Variants in MDFIC observed in about 807,000 individuals in gnomAD.
MDFIC encodes myoD family inhibitor domain-containing protein.
Under a neutral mutation model 23.2 loss-of-function variants are expected in MDFIC, and 17 were observed. That is an observed-to-expected ratio of 0.73 (90% confidence interval 0.50 to 1.10). The LOEUF (loss-of-function observed/expected upper bound fraction) is 1.10, where lower values mean the gene tolerates loss of function less well. MDFIC is among the 50% of genes least tolerant of loss of function. The pLI, the probability that MDFIC is intolerant of heterozygous loss-of-function variation, is 0.00. For missense variants in MDFIC, 356 were observed against 316.6 expected, an observed-to-expected ratio of 1.12 and a Z score of -0.95; for synonymous variants, 120 against 115.2, an observed-to-expected ratio of 1.04 and a Z score of -0.27.
At chr7:114,955,448 C>T (rs1441511006) in intron 3 of MDFIC, among the ~76,000 whole-genome samples, 1 of 152,132 alleles carries the variant, frequency 6.6e-6, no homozygotes, top group Non-Finnish European at 1.5e-5. Context: ...GAGTGTTTAA[C>T]TGTATCTCTC....
chr7:115,014,378 T>G, intron 4 of MDFIC: 1 of 1,286,894 alleles, frequency 7.8e-7, no homozygotes, highest in Non-Finnish European at 1.0e-6. Context: ...TTATATGGCA[T>G]TCTATAGAGA....
chr7:114,957,746 G>A (rs1264057220), intron 3 of MDFIC, among the ~76,000 whole-genome samples: 1 of 152,076 alleles, frequency 6.6e-6, no homozygotes, highest in Non-Finnish European at 1.5e-5. Flanking sequence ...GATTTATTAG[G>A]GGCAGCTTTA....
intron 2 of MDFIC, among the ~76,000 whole-genome samples, chr7:114,931,004 G>C (rs944146126): frequency 1.3e-5 from 2 of 152,146 alleles, no homozygotes; most frequent in Non-Finnish European, 2.9e-5. Context: ...CTTAATCAGT[G>C]CTATGTATAT....
At chr7:114,936,561 A>G (rs1792428090) in intron 2 of MDFIC, among the ~76,000 whole-genome samples, 1 of 152,212 alleles carries the variant, frequency 6.6e-6, no homozygotes, top group Admixed American at 6.5e-5. Context: ...TATGTTTAAA[A>G]AAAAAAGAAT....
At chr7:114,984,053 A>C (rs1793466016) in intron 4 of MDFIC, among the ~76,000 whole-genome samples, 1 of 152,140 alleles carries the variant, frequency 6.6e-6, no homozygotes, top group African/African-American at 2.4e-5. Context: ...AAACTCAGAC[A>C]TTCTGGTTCC....
chr7:114,985,724 C>A (rs1217367775), intron 4 of MDFIC, among the ~76,000 whole-genome samples: 1 of 151,680 alleles, frequency 6.6e-6, no homozygotes, highest in African/African-American at 2.4e-5. Context: ...CAGAGAACTA[C>A]AAACAGTTTG....
At chr7:114,924,843 A>C (rs1461583792) in intron 2 of MDFIC, among the ~76,000 whole-genome samples, 1 of 152,184 alleles carries the variant, frequency 6.6e-6, no homozygotes, top group Non-Finnish European at 1.5e-5. Flanking sequence ...AAAGAAAGAA[A>C]TTCTTGGAGC....
intron 4 of MDFIC, among the ~76,000 whole-genome samples, chr7:114,995,042 C>G (rs577105424): frequency 6.6e-6 from 1 of 152,074 alleles, no homozygotes; most frequent in Non-Finnish European, 1.5e-5. Context: ...AGACTTTGTT[C>G]GTTTCTTTTA....
intron 3 of MDFIC, among the ~76,000 whole-genome samples, chr7:114,964,913 G>C (rs987028563): frequency 6.6e-6 from 1 of 152,200 alleles, no homozygotes; most frequent in Non-Finnish European, 1.5e-5. Flanking sequence ...AGCACTGTAT[G>C]TATGTGGGCT....
intron 4 of MDFIC, among the ~76,000 whole-genome samples, chr7:114,998,540 C>G (rs1012956023): frequency 2.0e-5 from 3 of 152,062 alleles, no homozygotes. Context: ...TTTTGGAAAT[C>G]TAGAGAATGG....
intron 4 of MDFIC, among the ~76,000 whole-genome samples, chr7:114,992,865 A>C (rs150213073): frequency 6.6e-6 from 1 of 152,156 alleles, no homozygotes; most frequent in East Asian, 1.9e-4. Flanking sequence ...TGGCCTCATA[A>C]AATGAGTTAG....
intron 2 of MDFIC, among the ~76,000 whole-genome samples, chr7:114,926,916 C>T (rs1049207182): frequency 6.6e-6 from 1 of 152,116 alleles, no homozygotes; most frequent in Admixed American, 6.5e-5. Context: ...CAAAATGTGT[C>T]ATCTTTGAAC....
At position 115,016,024 on chromosome 7, in the gene MDFIC, A is replaced by T; in HGVS notation, c.*89A>T. On this transcript the variant is annotated 3_prime_UTR_variant, in exon 5 of 5. Coordinates refer to ENST00000393486, the MANE Select transcript of MDFIC (RefSeq NM_001166345.3). ...AAAGCACATTGTAAGATTCTCATGAAACAACATGGAATTTGCACTGTTAAC... is the reference window on the plus strand; with the variant it reads ...AAAGCACATTGTAAGATTCTCATGATACAACATGGAATTTGCACTGTTAAC... The T allele has an allele frequency of 1.5e-6, 2 of 1,343,196 alleles. No homozygotes were observed. Among genetic ancestry groups the T allele is most frequent in the South Asian group, 2.8e-5 (2 of 71,728 alleles). 83.2% of individuals were successfully genotyped at this position (1,343,196 alleles called of 1,614,324 possible).
intron 2 of MDFIC, chr7:114,923,579 C>T: frequency 6.5e-7 from 1 of 1,528,098 alleles, no homozygotes; most frequent in Non-Finnish European, 8.8e-7. Context: ...GTTTCTGTGA[C>T]CAGTAGCTTT....
intron 3 of MDFIC, among the ~76,000 whole-genome samples, chr7:114,953,620 C>T (rs1194198150): frequency 3.3e-5 from 5 of 152,182 alleles, no homozygotes; most frequent in Admixed American, 1.3e-4. Flanking sequence ...GGCTGTGACT[C>T]TTTATGCCTT....
chr7:115,009,045 C>T (rs989289466), intron 4 of MDFIC, among the ~76,000 whole-genome samples: 1 of 152,170 alleles, frequency 6.6e-6, no homozygotes, highest in African/African-American at 2.4e-5. Context: ...TTACTAAATA[C>T]ACATAACTCT....
At chr7:114,923,672 A>G in intron 2 of MDFIC, 1 of 1,412,112 alleles carries the variant, frequency 7.1e-7, no homozygotes, top group Non-Finnish European at 9.2e-7. Flanking sequence ...TCCAAGAATG[A>G]ATTAGCTTCT....
chr7:114,956,377 A>C (rs1390528452), intron 3 of MDFIC, among the ~76,000 whole-genome samples: 4 of 151,728 alleles, frequency 2.6e-5, no homozygotes, highest in Non-Finnish European at 5.9e-5. Context: ...ATATACACAC[A>C]CACATATATA....
At chr7:114,946,678 T>G (rs1215141439) in intron 3 of MDFIC, among the ~76,000 whole-genome samples, 1 of 152,206 alleles carries the variant, frequency 6.6e-6, no homozygotes, top group Non-Finnish European at 1.5e-5. Flanking sequence ...AGTTTTTAGC[T>G]CTCATAATAG....
Sources: gnomAD v4.1 joint callset for allele counts (sites outside exome capture counted in the v4.1 genomes callset) on GRCh38, gnomAD v4.1.1 for gene constraint, MANE v1.5 for transcripts, NCBI Gene and HGNC (gene_info 2026-07-23, HGNC 2026-07-21) for gene names.